AOPEP: variants seen among roughly 807,000 people sequenced by gnomAD.
AOPEP encodes the protein aminopeptidase O (putative).
AOPEP carries 77 observed loss-of-function variants against 98.1 expected under a neutral mutation model. The observed-to-expected ratio is 0.78, with a 90% CI of 0.65 to 0.95. The LOEUF (loss-of-function observed/expected upper bound fraction) is 0.95. AOPEP is among the 40% of genes least tolerant of loss of function. The pLI is 0.00. For synonymous variants in AOPEP, 346 were observed against 365.3 expected, an observed-to-expected ratio of 0.95 and a Z score of 0.60; for missense variants, 1,024 against 1,024.7, an observed-to-expected ratio of 1.00 and a Z score of 0.01.
chr9:95,141,985 GTTTTTT>G, the AOPEP span, among the ~76,000 whole-genome samples: 28 of 83,160 alleles, frequency 3.4e-4, no homozygotes, highest in South Asian at 4.8e-4. Flanking sequence ...AGTTTGTGGG[GTTTTTT>G]TTTTTTTTTT....
chr9:95,089,141 C>T (rs1444078950), downstream of AOPEP, among the ~76,000 whole-genome samples: 1 of 152,232 alleles, frequency 6.6e-6, no homozygotes, highest in African/African-American at 2.4e-5. Context: ...CCTCTGGCAT[C>T]TCCTAAGAGA....
intron 5 of AOPEP, among the ~76,000 whole-genome samples, chr9:94,803,179 T>G (rs356122): frequency 1.3e-5 from 2 of 152,070 alleles, no homozygotes; most frequent in Non-Finnish European, 2.9e-5. Flanking sequence ...TGCCATTGTC[T>G]TCTTAGTTAT....
chr9:94,906,776 C>T (rs908744620), intron 5 of AOPEP, among the ~76,000 whole-genome samples: 3 of 152,170 alleles, frequency 2.0e-5, no homozygotes, highest in African/African-American at 7.2e-5. Context: ...TATCCCAAGC[C>T]CCCAGGACAG....
the AOPEP span, among the ~76,000 whole-genome samples, chr9:95,128,496 T>C: frequency 6.6e-6 from 1 of 152,210 alleles, no homozygotes; most frequent in African/African-American, 2.4e-5. Flanking sequence ...TTGATGCTAG[T>C]AGAGAATCAT....
At chr9:94,738,644 G>A (rs892609672) in intron 1 of AOPEP, among the ~76,000 whole-genome samples, 8 of 152,096 alleles carry the variant, frequency 5.3e-5, no homozygotes, top group African/African-American at 7.2e-5. Context: ...CGCAATCTCC[G>A]CTCACTGCAA....
chr9:95,083,888 T>C (rs1161014990), intron 16 of AOPEP, among the ~76,000 whole-genome samples: 1 of 152,228 alleles, frequency 6.6e-6, no homozygotes, highest in African/African-American at 2.4e-5. Flanking sequence ...AATCACTTCC[T>C]CTGTTAATTG....
chr9:95,080,594 A>C, intron 14 of AOPEP, 100 bp from the exon 15 acceptor site: 2 of 755,188 alleles, frequency 2.6e-6, no homozygotes, highest in Non-Finnish European at 4.6e-6. Context: ...CCCATTTGAG[A>C]GCACAGCTTT....
intron 10 of AOPEP, among the ~76,000 whole-genome samples, chr9:94,974,695 T>G (rs1314481078): frequency 6.6e-6 from 1 of 151,940 alleles, no homozygotes; most frequent in East Asian, 1.9e-4. Flanking sequence ...CAGGAGAGAT[T>G]AGTGAGAGGG....
At chr9:94,777,476 A>G (rs1223042781) in intron 3 of AOPEP, among the ~76,000 whole-genome samples, 3 of 151,870 alleles carry the variant, frequency 2.0e-5, no homozygotes, top group African/African-American at 7.2e-5. Flanking sequence ...CATAATGTAA[A>G]TCTCTACTGC....
intron 5 of AOPEP, among the ~76,000 whole-genome samples, chr9:94,845,860 A>C (rs143631549): frequency 0.027 from 4,143 of 152,166 alleles, 183 homozygotes; most frequent in African/African-American, 0.094. Context: ...TGGGAGGCCA[A>C]GGTGGGGGTG....
chr9:94,937,958 C>T (rs897810169), intron 7 of AOPEP, among the ~76,000 whole-genome samples: 9 of 152,314 alleles, frequency 5.9e-5, no homozygotes, highest in Admixed American at 5.2e-4. Context: ...CTGCAACCTC[C>T]ACCTCCCTGG....
At chr9:95,003,916 T>A (rs984897689) in intron 11 of AOPEP, 1 of 173,012 alleles carries the variant, frequency 5.8e-6, no homozygotes, top group Non-Finnish European at 1.2e-5. Flanking sequence ...ATCCGTGTAA[T>A]TTTAAGTAGT....
chr9:95,087,501 A>AAAAG (rs2070792003), downstream of AOPEP, among the ~76,000 whole-genome samples: 3 of 146,480 alleles, frequency 2.0e-5, no homozygotes, highest in Admixed American at 2.0e-4. Context: ...AAAAAAAAAA[A>AAAAG]AAAAAAAAGC....
chr9:94,772,501 G>T (rs1001702408), intron 2 of AOPEP, among the ~76,000 whole-genome samples: 2 of 152,128 alleles, frequency 1.3e-5, no homozygotes, highest in African/African-American at 2.4e-5. Context: ...TCCCACAAGG[G>T]TTCTATTTGA....
At chr9:95,023,621 T>C (rs1379855547) in intron 13 of AOPEP, among the ~76,000 whole-genome samples, 2 of 152,232 alleles carry the variant, frequency 1.3e-5, no homozygotes, top group Admixed American at 6.5e-5. Flanking sequence ...CACAAAAAAA[T>C]GCTTGCTGGT....
intron 13 of AOPEP, among the ~76,000 whole-genome samples, chr9:95,011,403 C>T (rs1255632699): frequency 1.3e-5 from 2 of 152,024 alleles, no homozygotes; most frequent in South Asian, 2.1e-4. Context: ...GGGGTTTCAC[C>T]GTGTTAGCCA....
intron 14 of AOPEP, among the ~76,000 whole-genome samples, chr9:95,075,866 G>A (rs7046682): frequency 0.68 from 103,731 of 152,084 alleles, 35,695 homozygotes; most frequent in Non-Finnish European, 0.72. Flanking sequence ...ACGACACCCT[G>A]CCTCAAACAA....
At chr9:95,018,884 C>G (rs1421726178) in intron 13 of AOPEP, 2 of 152,206 alleles carry the variant, frequency 1.3e-5, no homozygotes, top group Admixed American at 1.3e-4. Context: ...CTAGTACTCA[C>G]TCAATACTTA....
Position 94,760,278 on chromosome 9 carries a change from A to G in AOPEP, c.495A>G (p.Pro165=). 1.2e-6 allele frequency: 2 copies of G among 1,614,148 alleles called. No homozygotes were observed. The highest frequency in any genetic ancestry group is 1.7e-6 in the Non-Finnish European group (2 of 1,180,048). The part of the protein sequence containing the change: ...KVEEVDVAAV[P]GLEKFTRSPE... ...AGGAGGTGGATGTTGCTGCTGTGCCAGGTCTGGAAAAATTTACAAGGTCTC... is the reference window on the plus strand; with the variant it reads ...AGGAGGTGGATGTTGCTGCTGTGCCGGGTCTGGAAAAATTTACAAGGTCTC... The change falls in exon 2 of 17, where the codon CCA becomes CCG. Residue 165 remains proline, a synonymous_variant. Transcript: ENST00000375315.
Sources: gnomAD v4.1 joint callset for allele counts (sites outside exome capture counted in the v4.1 genomes callset) on GRCh38, gnomAD v4.1.1 for gene constraint, MANE v1.5 for transcripts, NCBI Gene and HGNC (gene_info 2026-07-23, HGNC 2026-07-21) for gene names.